CIRSR: variants seen among roughly 807,000 people sequenced by gnomAD.
CIRSR encodes the protein corepressor of RBPJ and splicing regulator.
chr2:174,364,555 G>C, the CIRSR span, among the ~76,000 whole-genome samples: 6 of 152,334 alleles, frequency 3.9e-5, no homozygotes, highest in African/African-American at 1.4e-4. Context: ...CTCCATGAGG[G>C]CCCTGCCCCT....
the CIRSR span, among the ~76,000 whole-genome samples, chr2:174,354,557 A>AT: frequency 3.2e-5 from 1 of 31,468 alleles, no homozygotes; most frequent in African/African-American, 7.7e-5. Context: ...TATATTATAT[A>AT]TATTTTATAT....
At chr2:174,348,991 T>A in the CIRSR span, 1 of 1,598,290 alleles carries the variant, frequency 6.3e-7, no homozygotes, top group Non-Finnish European at 8.5e-7. Context: ...TGTATTTTTT[T>A]TTCTTTATTG....
At chr2:174,379,539 G>A in the CIRSR span, among the ~76,000 whole-genome samples, 1 of 152,112 alleles carries the variant, frequency 6.6e-6, no homozygotes, top group Non-Finnish European at 1.5e-5. Flanking sequence ...AATAGGCAAA[G>A]CGGTGTTCCA....
the CIRSR span, among the ~76,000 whole-genome samples, chr2:174,353,166 T>A: frequency 6.6e-6 from 1 of 152,148 alleles, no homozygotes; most frequent in Non-Finnish European, 1.5e-5. Context: ...GGGGAAAAAC[T>A]GTCTATTATT....
At chr2:174,362,744 C>T in the CIRSR span, among the ~76,000 whole-genome samples, 1 of 146,848 alleles carries the variant, frequency 6.8e-6, no homozygotes, top group East Asian at 2.0e-4. Context: ...ATTGAGGTCG[C>T]AGGGCAAACC....
chr2:174,367,644 A>C, the CIRSR span, among the ~76,000 whole-genome samples: 2 of 151,316 alleles, frequency 1.3e-5, no homozygotes, highest in Admixed American at 1.3e-4. Flanking sequence ...TAGGAGGCTA[A>C]GGTGGGAAGA....
At chr2:174,377,740 GC>G in the CIRSR span, among the ~76,000 whole-genome samples, 1 of 145,760 alleles carries the variant, frequency 6.9e-6, no homozygotes, top group Non-Finnish European at 1.5e-5. Flanking sequence ...TGGGAAGAGA[GC>G]TTGAGCCCGG....
chr2:174,383,485 T>G, the CIRSR span, among the ~76,000 whole-genome samples: 1 of 152,112 alleles, frequency 6.6e-6, no homozygotes, highest in Non-Finnish European at 1.5e-5. Flanking sequence ...TTTGGGAGGC[T>G]GAGGCGGGTG....
chr2:174,354,393 A>G, the CIRSR span, among the ~76,000 whole-genome samples: 1 of 111,394 alleles, frequency 9.0e-6, no homozygotes, highest in Non-Finnish European at 1.7e-5. Flanking sequence ...ATATATGTAC[A>G]TATATATTTT....
chr2:174,363,791 T>G, the CIRSR span, among the ~76,000 whole-genome samples: 1 of 152,138 alleles, frequency 6.6e-6, no homozygotes, highest in Non-Finnish European at 1.5e-5. Flanking sequence ...AAGAACAGCA[T>G]GGGAAAGACT....
the CIRSR span, among the ~76,000 whole-genome samples, chr2:174,366,802 G>C: frequency 6.6e-6 from 1 of 151,558 alleles, no homozygotes; most frequent in East Asian, 1.9e-4. Flanking sequence ...TTGTAGAACA[G>C]GAATTGGGTT....
At chr2:174,350,825 T>C in the CIRSR span, 2 of 1,034,434 alleles carry the variant, frequency 1.9e-6, no homozygotes, top group African/African-American at 1.6e-5. Context: ...CATTTATAAA[T>C]AAGTTTTGTA....
the CIRSR span, among the ~76,000 whole-genome samples, chr2:174,379,855 C>T: frequency 6.6e-6 from 1 of 151,140 alleles, no homozygotes; most frequent in African/African-American, 2.4e-5. Flanking sequence ...TCCTGAGTAG[C>T]TGGGATTACA....
the CIRSR span, chr2:174,349,036 C>A: frequency 6.3e-7 from 1 of 1,599,016 alleles, no homozygotes; most frequent in Non-Finnish European, 8.5e-7. Flanking sequence ...TCTGAAGTCT[C>A]AGTAGAGGAA....
the CIRSR span, among the ~76,000 whole-genome samples, chr2:174,391,993 C>A: frequency 6.6e-6 from 1 of 151,978 alleles, no homozygotes; most frequent in Admixed American, 6.6e-5. Flanking sequence ...GAGTGACTAA[C>A]AGGTATGCAG....
At chr2:174,377,474 G>A in the CIRSR span, among the ~76,000 whole-genome samples, 4 of 152,086 alleles carry the variant, frequency 2.6e-5, no homozygotes, top group Non-Finnish European at 4.4e-5. Flanking sequence ...AATACTGAGC[G>A]AATAATTTCC....
the CIRSR span, among the ~76,000 whole-genome samples, chr2:174,360,696 C>CTTTAA: frequency 6.6e-6 from 1 of 152,038 alleles, no homozygotes; most frequent in Non-Finnish European, 1.5e-5. Flanking sequence ...TAGTACATGC[C>CTTTAA]TTTAACATCA....
At chr2:174,378,136 G>A in the CIRSR span, among the ~76,000 whole-genome samples, 1 of 151,936 alleles carries the variant, frequency 6.6e-6, no homozygotes, top group Non-Finnish European at 1.5e-5. Context: ...TCTGTATACT[G>A]AGGTTTCATG....
At chr2:174,363,806 C>T in the CIRSR span, among the ~76,000 whole-genome samples, 8 of 152,242 alleles carry the variant, frequency 5.3e-5, no homozygotes, top group East Asian at 1.5e-3. Context: ...AAGACTTGAT[C>T]CCATGATTCA....
Sources: allele counts gnomAD v4.1 joint callset (sites outside exome capture counted in the v4.1 genomes callset), GRCh38; gene constraint gnomAD v4.1.1; transcripts MANE v1.5; gene names NCBI Gene and HGNC (gene_info 2026-07-23, HGNC 2026-07-21).